The following BICRA variants were observed in gnomAD, a reference collection of about 807,000 sequenced individuals.
The protein encoded by BICRA is BRD4 interacting chromatin remodeling complex associated protein, also known as BRD4-interacting chromatin-remodeling complex-associated protein.
Under a neutral mutation model 96.9 loss-of-function variants are expected in BICRA, and 31 were observed. The observed-to-expected ratio is 0.32, with a 90% CI of 0.24 to 0.43. The LOEUF is 0.43. Ranked by LOEUF, BICRA falls within the 20% of genes least tolerant of loss-of-function variation. The probability of loss-of-function intolerance (pLI) is 1.00; values close to 1 mark genes in which losing one functional copy is unlikely to be tolerated. For missense variants in BICRA, 2,283 were observed against 2,190.3 expected (o/e 1.04, Z -0.84); for synonymous variants, 1,350 against 1,071.8 (o/e 1.26, Z -5.07).
intron 7 of BICRA, among the ~76,000 whole-genome samples, chr19:47,688,134 T>C (rs1378379141): frequency 1.3e-5 from 2 of 151,942 alleles, no homozygotes; most frequent in African/African-American, 2.4e-5. Context: ...TCGAAATCTC[T>C]TGGAAGCTGG....
chr19:47,655,991 T>C (rs549832540), intron 1 of BICRA, among the ~76,000 whole-genome samples: 1 of 151,244 alleles, frequency 6.6e-6, no homozygotes, highest in Admixed American at 6.6e-5. Flanking sequence ...CCCCAGCACT[T>C]TGGGAGGCCA....
chr19:47,660,472 G>A (rs1972687822), intron 1 of BICRA, among the ~76,000 whole-genome samples: 1 of 152,088 alleles, frequency 6.6e-6, no homozygotes, highest in African/African-American at 2.4e-5. Flanking sequence ...CATATTTTTT[G>A]TGGTGGGAGC....
intron 1 of BICRA, among the ~76,000 whole-genome samples, chr19:47,627,762 G>GTTTGT (rs1004188197): frequency 1.6e-4 from 24 of 152,134 alleles, no homozygotes; most frequent in Non-Finnish European, 2.9e-4. Context: ...TTTTTTGTTT[G>GTTTGT]TTTGTTTTGT....
At chr19:47,678,889 TC>T (rs938735173) in intron 5 of BICRA, 4 of 190,330 alleles carry the variant, frequency 2.1e-5, no homozygotes, top group African/African-American at 9.4e-5. Context: ...CTTTTTTTTT[TC>T]TTTTTTTCTT....
At position 47,680,895 on chromosome 19, in the gene BICRA, C is replaced by G. The variant is rs755798126; in HGVS notation, c.1725C>G (p.Ala575=). 1.3e-6 allele frequency: 2 copies of G among 1,484,862 alleles called. No homozygotes were observed. The highest frequency in any genetic ancestry group is 1.3e-5 in the South Asian group (1 of 74,550). The allele number at this position is 1,484,862 out of a possible 1,614,324, so 92.0% of individuals were successfully genotyped here. A position where few individuals can be genotyped will look rare whatever the true frequency, so the allele number is the denominator to read the frequency against. ...SLPTQSQPAP[A]GPAATTVLQG... is the part of the protein sequence containing the mutation. Reference sequence around the variant, plus strand: ...CCACGCAGAGCCAGCCAGCGCCCGCCGGGCCGGCCGCCACCACTGTCCTCC... The same window carrying G: ...CCACGCAGAGCCAGCCAGCGCCCGCGGGGCCGGCCGCCACCACTGTCCTCC... The change falls in exon 6 of 15, where the codon GCC becomes GCG. Residue 575 remains alanine (A), a synonymous_variant. Coordinates refer to ENST00000594866, the MANE Select transcript of BICRA (RefSeq NM_001394372.1).
Position 47,688,316 on chromosome 19 carries a change from C to T in BICRA, c.2284-5799C>T, listed in dbSNP as rs367783902. Among the ~76,000 whole-genome samples, 4 of 152,180 alleles carry T rather than the reference C, an allele frequency of 2.6e-5. No individual in the cohort carries two copies. The East Asian group carries it at 5.8e-4, about 22-fold the overall frequency. On this transcript the variant is annotated intron_variant, in intron 7 of 14. Transcript: ENST00000594866. ...AGGGAATCTCTTGGTGAACAATCCA[C>T]TCATATGTTAGTTTTTTTGCTTTGG...
At chr19:47,671,544 A>G (rs1292923863) in intron 2 of BICRA, among the ~76,000 whole-genome samples, 5 of 151,966 alleles carry the variant, frequency 3.3e-5, no homozygotes, top group Non-Finnish European at 5.9e-5. Flanking sequence ...TGCAGGAAGT[A>G]ATGAAGGGAT....
At position 47,667,267 on chromosome 19, in the gene BICRA, G is replaced by A. The variant is rs541222629; in HGVS notation, c.-107-3176G>A. On this transcript the variant is annotated intron_variant, in intron 1 of 14. Coordinates refer to ENST00000594866, the MANE Select transcript of BICRA (RefSeq NM_001394372.1). ...CCTGACCTTGTGATCCGCCCGCCTTGGCCTCCCAAAGTGCTGGGATTACAG... is the reference window on the plus strand; with the variant it reads ...CCTGACCTTGTGATCCGCCCGCCTTAGCCTCCCAAAGTGCTGGGATTACAG... Among the ~76,000 whole-genome samples the A allele has an allele frequency of 3.9e-5, 6 of 152,196 alleles. No individual in the cohort carries two copies. The East Asian group carries it at 1.2e-3, about 29-fold the overall frequency.
intron 1 of BICRA, among the ~76,000 whole-genome samples, chr19:47,612,769 A>G (rs973292205): frequency 6.6e-6 from 1 of 152,160 alleles, no homozygotes; most frequent in East Asian, 1.9e-4. Flanking sequence ...CTGGGACTCC[A>G]AGCCAGACGG....
chr19:47,677,489 G>A (rs1236012555), intron 5 of BICRA, among the ~76,000 whole-genome samples: 1 of 152,194 alleles, frequency 6.6e-6, no homozygotes. Flanking sequence ...CTGAGGTCGG[G>A]AGTTCGAGAC....
chr19:47,676,023 G>C (rs1047775339), intron 5 of BICRA, 107 bp downstream of exon 5: 3 of 664,710 alleles, frequency 4.5e-6, no homozygotes, highest in Admixed American at 2.9e-5. Flanking sequence ...GAGGGCTGTT[G>C]ACAGGAGGAG....
chr19:47,613,288 G>C (rs1465789389), intron 1 of BICRA, among the ~76,000 whole-genome samples: 1 of 152,124 alleles, frequency 6.6e-6, no homozygotes, highest in Non-Finnish European at 1.5e-5. Flanking sequence ...TCCCCCGCCA[G>C]CTCTCAACCC....
At chr19:47,658,631 CAAAAAAA>C (rs3074083) in intron 1 of BICRA, among the ~76,000 whole-genome samples, 2 of 97,428 alleles carry the variant, frequency 2.1e-5, no homozygotes, top group African/African-American at 8.0e-5. Flanking sequence ...GACTTCGTCT[CAAAAAAA>C]AAAAAAAAAA....
intron 1 of BICRA, among the ~76,000 whole-genome samples, chr19:47,647,859 G>T (rs889370417): frequency 6.6e-6 from 1 of 151,124 alleles, no homozygotes; most frequent in Non-Finnish European, 1.5e-5. Context: ...GTCCTGTTGG[G>T]CTTGAGTGTC....
Position 47,695,099 on chromosome 19 carries a change from A to G in BICRA, c.3076+19A>G, listed in dbSNP as rs1177422004. ...GCCACAGGTAGGAGAGAGGTCGCCT[A>G]TGTGCCCAGGGAGACGGGGCCTGAA... On this transcript the variant is annotated intron_variant, in intron 9 of 14. Coordinates refer to ENST00000594866, the MANE Select transcript of BICRA (RefSeq NM_001394372.1). The G allele has an allele frequency of 8.8e-6, 13 of 1,474,828 alleles. No individual in the cohort carries two copies. The highest frequency in any genetic ancestry group is 8.0e-5 in the Admixed American group (3 of 37,656). 91.4% of individuals were successfully genotyped at this position (1,474,828 alleles called of 1,614,324 possible). A position where few individuals can be genotyped will look rare whatever the true frequency, so the allele number is the denominator to read the frequency against.
intron 1 of BICRA, among the ~76,000 whole-genome samples, chr19:47,609,981 G>C (rs555937156): frequency 1.9e-3 from 291 of 152,142 alleles, no homozygotes; most frequent in African/African-American, 6.7e-3. Flanking sequence ...GGGGGTGAGC[G>C]CCTCCTGTCA....
Position 47,675,712 on chromosome 19 carries a change from G to GA in BICRA, c.85-138dup. ...GCCTTTGGGGCCTCTTTTCGGAGGC[G>GA]AGAGTTTCCCATACCCCCAGCCCTC... On this transcript the variant is annotated intron_variant, in intron 4 of 14. Coordinates refer to ENST00000594866, the MANE Select transcript of BICRA (RefSeq NM_001394372.1). The surrounding 1 kb of genome is among the most constrained non-coding windows in gnomAD (Gnocchi z 4.7). 1.4e-6 allele frequency: 1 copy of GA among 705,474 alleles called. No homozygotes were observed. Among genetic ancestry groups the GA allele is most frequent in the South Asian group, 1.6e-5 (1 of 60,618 alleles). 43.7% of individuals were successfully genotyped at this position (705,474 alleles called of 1,614,324 possible). A position where few individuals can be genotyped will look rare whatever the true frequency, so the allele number is the denominator to read the frequency against.
chr19:47,644,452 CTCCT>C (rs1292216032), intron 1 of BICRA, among the ~76,000 whole-genome samples: 5 of 138,774 alleles, frequency 3.6e-5, no homozygotes, highest in East Asian at 2.3e-4. Context: ...CCCTCCCTCC[CTCCT>C]TCCCCTCCCC....
intron 1 of BICRA, among the ~76,000 whole-genome samples, chr19:47,669,781 C>G (rs1406891099): frequency 2.0e-5 from 3 of 151,888 alleles, no homozygotes. Flanking sequence ...CTCAGCCTCC[C>G]GAGTAGCTGG....
Sources: gnomAD v4.1 joint callset for allele counts (sites outside exome capture counted in the v4.1 genomes callset) on GRCh38, gnomAD v4.1.1 for gene constraint, Gnocchi (gnomAD v3.1) non-coding constraint, MANE v1.5 for transcripts, NCBI Gene and HGNC (gene_info 2026-07-23, HGNC 2026-07-21) for gene names.